Variants in SERPINB12 observed in about 807,000 individuals in gnomAD.
SERPINB12 encodes the protein serpin family B member 12.
In SERPINB12, 57 loss-of-function variants were observed where a neutral mutation model predicts 41.1. The observed-to-expected ratio is 1.39, with a 90% CI of 1.12 to 1.73. The LOEUF is 1.73. SERPINB12 is among the 40% of genes most tolerant of loss of function. The pLI, the probability that SERPINB12 is intolerant of heterozygous loss-of-function variation, is 0.00. For missense variants in SERPINB12, 536 were observed against 501.9 expected, an observed-to-expected ratio of 1.07 and a Z score of -0.65; for synonymous variants, 180 against 181.3, an observed-to-expected ratio of 0.99 and a Z score of 0.06.
chr18:63,521,187 T>C, the SERPINB12 span, among the ~76,000 whole-genome samples: 1 of 152,186 alleles, frequency 6.6e-6, no homozygotes, highest in Non-Finnish European at 1.5e-5. Flanking sequence ...TTATCAGGTG[T>C]ATGTGTATGA....
chr18:63,532,815 A>G, the SERPINB12 span, among the ~76,000 whole-genome samples: 67 of 152,348 alleles, frequency 4.4e-4, 1 homozygote, highest in African/African-American at 1.5e-3. Context: ...AAGGAAAACA[A>G]CAACAGCAGC....
the SERPINB12 span, among the ~76,000 whole-genome samples, chr18:63,524,693 C>G: frequency 6.6e-6 from 1 of 151,130 alleles, no homozygotes; most frequent in Non-Finnish European, 1.5e-5. Context: ...TGCTATACTT[C>G]TTTTTACCAG....
At chr18:63,521,344 T>C in the SERPINB12 span, among the ~76,000 whole-genome samples, 7 of 152,242 alleles carry the variant, frequency 4.6e-5, no homozygotes, top group Admixed American at 6.5e-5. Context: ...TGATAAGTTT[T>C]GGTTATCCCT....
intron 1 of SERPINB12, among the ~76,000 whole-genome samples, chr18:63,544,763 T>C (rs777913980): frequency 2.0e-5 from 3 of 152,192 alleles, no homozygotes; most frequent in Non-Finnish European, 4.4e-5. Flanking sequence ...TAATAGATTT[T>C]TTCCTCTTTT....
the SERPINB12 span, among the ~76,000 whole-genome samples, chr18:63,524,909 C>T: frequency 6.6e-6 from 1 of 151,898 alleles, no homozygotes; most frequent in South Asian, 2.1e-4. Context: ...GCCACCATGC[C>T]TAGCTGATTT....
chr18:63,539,925 G>A (rs1415863731), upstream of SERPINB12, among the ~76,000 whole-genome samples: 1 of 152,102 alleles, frequency 6.6e-6, no homozygotes, highest in Non-Finnish European at 1.5e-5. Flanking sequence ...GGGTGCCACT[G>A]GAGACACTTA....
chr18:63,547,653 G>A (rs1394881265), intron 1 of SERPINB12, among the ~76,000 whole-genome samples: 2 of 152,016 alleles, frequency 1.3e-5, no homozygotes, highest in African/African-American at 4.8e-5. Context: ...TTGTTAGAAT[G>A]TCTATCTTGT....
At chr18:63,520,477 G>A in the SERPINB12 span, among the ~76,000 whole-genome samples, 2 of 152,194 alleles carry the variant, frequency 1.3e-5, no homozygotes, top group African/African-American at 4.8e-5. Context: ...GGTGGGGAGA[G>A]GCTGGACATC....
At chr18:63,547,358 A>AT (rs200260064) in intron 1 of SERPINB12, among the ~76,000 whole-genome samples, 5,088 of 146,354 alleles carry the variant, frequency 0.035, 294 homozygotes, top group East Asian at 0.3. Context: ...TGTGAGTTAG[A>AT]TTTTTTTTTT....
At chr18:63,544,259 G>A (rs1599412123) in intron 1 of SERPINB12, among the ~76,000 whole-genome samples, 5 of 152,292 alleles carry the variant, frequency 3.3e-5, no homozygotes, top group African/African-American at 1.2e-4. Context: ...TTGGCCTGCA[G>A]GCTGTAGTTT....
At chr18:63,532,381 C>T in the SERPINB12 span, among the ~76,000 whole-genome samples, 1 of 152,150 alleles carries the variant, frequency 6.6e-6, no homozygotes, top group Non-Finnish European at 1.5e-5. Flanking sequence ...TCACTTATCA[C>T]TAGTTTATCA....
Position 63,561,079 on chromosome 18 carries a change from G to A in SERPINB12, c.445-6G>A. ...GCATTATTTCCCTTTTATTCCAATG[G>A]AACAGGAATACTTAGATGGTGTGAT... On this transcript the variant is annotated splice_region_variant and splice_polypyrimidine_tract_variant and intron_variant, in intron 4 of 7. Transcript: ENST00000382768. 2 of 1,556,016 alleles carry A rather than the reference G, an allele frequency of 1.3e-6. No homozygotes were observed. Among genetic ancestry groups the A allele is most frequent in the Non-Finnish European group, 1.8e-6 (2 of 1,128,270 alleles).
rs1414043934 is a variant in SERPINB12 at position 63,566,940 on chromosome 18, C to G, written c.1207C>G (p.Pro403Ala). The G allele has an allele frequency of 6.2e-7, 1 of 1,613,742 alleles. No homozygotes were observed. Among genetic ancestry groups the G allele is most frequent in the Non-Finnish European group, 8.5e-7 (1 of 1,179,928 alleles). The change falls in exon 8 of 8, where the codon CCT (proline) becomes GCT (alanine). Residue 403 changes from proline (P) to alanine (A), a missense_variant. By Grantham distance (27) the Pro-to-Ala change is conservative. Transcript: ENST00000382768. Reference sequence around the variant, plus strand: ...TTGGGTGGAGTTTAATGCCAACCACCCTTTTCTCTTTTTCATTAGACACAA... The same window carrying G: ...TTGGGTGGAGTTTAATGCCAACCACGCTTTTCTCTTTTTCATTAGACACAA... ...RSWVEFNANH[P>A]FLFFIRHNKT...
At chr18:63,551,286 A>G (rs1910521914) in intron 1 of SERPINB12, among the ~76,000 whole-genome samples, 1 of 152,000 alleles carries the variant, frequency 6.6e-6, no homozygotes. Flanking sequence ...CAAACAAAGA[A>G]ACAAAAAAAA....
chr18:63,551,997 G>T (rs890779727), intron 1 of SERPINB12, among the ~76,000 whole-genome samples: 1 of 152,136 alleles, frequency 6.6e-6, no homozygotes, highest in Non-Finnish European at 1.5e-5. Context: ...AAAGGGATGG[G>T]GATAAATCTC....
intron 7 of SERPINB12, 117 bp from the exon 8 acceptor site, chr18:63,566,490 G>A (rs1599430313): frequency 1.2e-6 from 1 of 827,142 alleles, no homozygotes; most frequent in Non-Finnish European, 1.9e-6. Flanking sequence ...CTAGCTTAGG[G>A]AAAGGTCTTG....
the SERPINB12 span, among the ~76,000 whole-genome samples, chr18:63,524,766 TTTC>T: frequency 4.6e-5 from 7 of 150,584 alleles, no homozygotes; most frequent in Non-Finnish European, 5.9e-5. Context: ...TTTTTTTTTT[TTTC>T]GTGACAGTCT....
At chr18:63,558,868 C>T (rs1910770322) in intron 3 of SERPINB12, among the ~76,000 whole-genome samples, 1 of 152,118 alleles carries the variant, frequency 6.6e-6, no homozygotes, top group Non-Finnish European at 1.5e-5. Context: ...GTGCTGAAAT[C>T]TGCACTGACA....
chr18:63,520,143 T>A, the SERPINB12 span, among the ~76,000 whole-genome samples: 1 of 152,196 alleles, frequency 6.6e-6, no homozygotes. Flanking sequence ...AGAGACAGGT[T>A]CCATGAGTAA....
Sources: gnomAD v4.1 joint callset for allele counts (sites outside exome capture counted in the v4.1 genomes callset) on GRCh38, gnomAD v4.1.1 for gene constraint, MANE v1.5 for transcripts, NCBI Gene and HGNC (gene_info 2026-07-23, HGNC 2026-07-21) for gene names.